STAG1: variants seen among roughly 807,000 people sequenced by gnomAD.
STAG1 encodes the protein STAG1 cohesin complex component, also known as cohesin subunit SA-1.
STAG1 carries 26 observed loss-of-function variants against 170.9 expected under a neutral mutation model. The observed-to-expected ratio is 0.15, with a 90% confidence interval of 0.11 to 0.21. The LOEUF (loss-of-function observed/expected upper bound fraction) is 0.21, where lower values mean the gene tolerates loss of function less well. Ranked by LOEUF, STAG1 falls within the 10% of genes least tolerant of loss-of-function variation. The pLI is 1.00. For missense variants in STAG1, 964 were observed against 1,509.5 expected (o/e 0.64, Z 5.99); for synonymous variants, 514 against 497.7 (o/e 1.03, Z -0.44).
At chr3:136,602,367 C>T (rs924406187) in intron 4 of STAG1, among the ~76,000 whole-genome samples, 17 of 139,100 alleles carry the variant, frequency 1.2e-4, no homozygotes, top group African/African-American at 4.0e-4. Flanking sequence ...GACAGAGAGA[C>T]ACTCCATCTC....
chr3:136,746,556 A>G (rs572867407), intron 1 of STAG1, among the ~76,000 whole-genome samples: 1 of 152,284 alleles, frequency 6.6e-6, no homozygotes, highest in Non-Finnish European at 1.5e-5. Flanking sequence ...CTTCATGAAA[A>G]TATTTTGCTT....
At chr3:136,451,986 T>C (rs754177231) in intron 14 of STAG1, 47 bp downstream of exon 14, 2 of 1,212,440 alleles carry the variant, frequency 1.6e-6, no homozygotes, top group East Asian at 2.6e-5. Flanking sequence ...ACATTTAAAA[T>C]GTAATATAAT....
chr3:136,517,860 G>A (rs1230875966), intron 7 of STAG1, among the ~76,000 whole-genome samples: 2 of 151,926 alleles, frequency 1.3e-5, no homozygotes, highest in Non-Finnish European at 2.9e-5. Context: ...ATTAAAATGG[G>A]CCAAATAACT....
chr3:136,489,245 A>G (rs1370803012), intron 9 of STAG1, among the ~76,000 whole-genome samples: 4 of 152,208 alleles, frequency 2.6e-5, no homozygotes, highest in Non-Finnish European at 5.9e-5. Context: ...ATTACAATGC[A>G]TCCTTTTGGG....
chr3:136,540,844 A>C (rs957410201), intron 6 of STAG1, among the ~76,000 whole-genome samples: 2 of 148,284 alleles, frequency 1.3e-5, no homozygotes, highest in Admixed American at 6.7e-5. Flanking sequence ...AAAAAAAAAA[A>C]AAAAAAAACC....
At chr3:136,668,196 A>G (rs1941858290) in intron 1 of STAG1, among the ~76,000 whole-genome samples, 1 of 151,320 alleles carries the variant, frequency 6.6e-6, no homozygotes, top group African/African-American at 2.4e-5. Flanking sequence ...TCATGCCACA[A>G]TGCATTCTAG....
At chr3:136,465,666 G>C (rs1246237147) in intron 12 of STAG1, among the ~76,000 whole-genome samples, 1 of 147,638 alleles carries the variant, frequency 6.8e-6, no homozygotes, top group Non-Finnish European at 1.5e-5. Flanking sequence ...AATCAACAAA[G>C]TATTAGAATG....
chr3:136,730,010 T>C (rs1933922323), intron 1 of STAG1, among the ~76,000 whole-genome samples: 1 of 149,472 alleles, frequency 6.7e-6, no homozygotes, highest in Non-Finnish European at 1.5e-5. Flanking sequence ...TGCCTTGGCC[T>C]CCTGAGTAGC....
chr3:136,624,483 T>G (rs967585225), intron 2 of STAG1, among the ~76,000 whole-genome samples: 1 of 152,238 alleles, frequency 6.6e-6, no homozygotes, highest in Non-Finnish European at 1.5e-5. Context: ...TTTGTTCACT[T>G]TAATGAGTAG....
chr3:136,528,325 T>C (rs1385262978), intron 6 of STAG1, among the ~76,000 whole-genome samples: 1 of 152,054 alleles, frequency 6.6e-6, no homozygotes, highest in Non-Finnish European at 1.5e-5. Context: ...TGCAGTTTGA[T>C]CTACTGCTGT....
intron 28 of STAG1, among the ~76,000 whole-genome samples, chr3:136,355,591 T>G (rs1032299952): frequency 1.3e-5 from 2 of 151,970 alleles, no homozygotes; most frequent in African/African-American, 4.8e-5. Context: ...AGAACACACA[T>G]CTACAGAACA....
chr3:136,512,495 C>T (rs796970067), intron 7 of STAG1, among the ~76,000 whole-genome samples: 21 of 152,270 alleles, frequency 1.4e-4, no homozygotes, highest in African/African-American at 5.1e-4. Context: ...TCCTTTATGA[C>T]ACATTCATTT....
chr3:136,496,193 C>T (rs989348331), intron 9 of STAG1, among the ~76,000 whole-genome samples: 1 of 151,918 alleles, frequency 6.6e-6, no homozygotes, highest in African/African-American at 2.4e-5. Context: ...ACAGAAAGTA[C>T]TCCTATAAAC....
At chr3:136,528,357 G>A (rs979190926) in intron 6 of STAG1, among the ~76,000 whole-genome samples, 8 of 152,134 alleles carry the variant, frequency 5.3e-5, no homozygotes, top group African/African-American at 9.6e-5. Flanking sequence ...GTGAGGCTCC[G>A]TGGGCATGGG....
intron 4 of STAG1, among the ~76,000 whole-genome samples, chr3:136,577,236 C>T (rs906522668): frequency 7.9e-5 from 12 of 152,288 alleles, no homozygotes; most frequent in Non-Finnish European, 1.5e-4. Context: ...CAGCTTAAGT[C>T]GTAATTTGAG....
At chr3:136,696,246 G>A (rs1174967178) in intron 1 of STAG1, among the ~76,000 whole-genome samples, 1 of 152,168 alleles carries the variant, frequency 6.6e-6, no homozygotes, top group African/African-American at 2.4e-5. Flanking sequence ...AGGTAAAACT[G>A]GGCTTAAGTT....
At chr3:136,581,738 AATT>A (rs1344544804) in intron 4 of STAG1, among the ~76,000 whole-genome samples, 2 of 152,178 alleles carry the variant, frequency 1.3e-5, no homozygotes, top group African/African-American at 4.8e-5. Flanking sequence ...GATAATGAAA[AATT>A]ATAACACAAT....
intron 23 of STAG1, among the ~76,000 whole-genome samples, chr3:136,374,026 T>C (rs553274273): frequency 1.3e-5 from 2 of 152,352 alleles, no homozygotes; most frequent in East Asian, 1.9e-4. Flanking sequence ...TGGGTGCTCC[T>C]GTGTTGGGTG....
At chr3:136,546,523 T>C (rs1282254431) in intron 5 of STAG1, among the ~76,000 whole-genome samples, 1 of 152,162 alleles carries the variant, frequency 6.6e-6, no homozygotes, top group East Asian at 1.9e-4. Flanking sequence ...AATAAAATGA[T>C]AACAATAAAA....
Sources: gnomAD v4.1 joint callset for allele counts (sites outside exome capture counted in the v4.1 genomes callset) on GRCh38, gnomAD v4.1.1 for gene constraint, MANE v1.5 for transcripts, NCBI Gene and HGNC (gene_info 2026-07-23, HGNC 2026-07-21) for gene names.